The following VCAN variants were observed in gnomAD, a reference collection of about 807,000 sequenced individuals.
VCAN encodes versican.
Under a neutral mutation model 245.5 loss-of-function variants are expected in VCAN, and 44 were observed. The observed-to-expected ratio is 0.18, with a 90% CI of 0.14 to 0.23. VCAN has a LOEUF of 0.23. VCAN is among the 10% of genes least tolerant of loss of function. The probability of loss-of-function intolerance (pLI) is 1.00; values close to 1 mark genes in which losing one functional copy is unlikely to be tolerated. For synonymous variants in VCAN, 1,413 were observed against 1,437.0 expected (o/e 0.98, Z 0.38); for missense variants, 3,793 against 4,057.9 (o/e 0.93, Z 1.77).
Position 83,522,000 on chromosome 5 carries a change from A to T in VCAN, c.3694A>T (p.Lys1232Ter), listed in dbSNP as rs776953207. The T allele has an allele frequency of 6.2e-7, 1 of 1,614,190 alleles. No individual in the cohort carries two copies. The highest frequency in any genetic ancestry group is 1.1e-5 in the South Asian group (1 of 91,080). ...CAAGCCATCTTCCGCGATCACTAAG[A>T]AACCACCTCTCATCGACAGGGAACC... ...AFKPSSAITK[K>*]PPLIDREPGE... The change falls in exon 7 of 15, where the codon AAA (lysine) becomes TAA (stop). Residue 1232 changes from lysine to a stop codon, truncating the protein, a stop_gained. Coordinates refer to ENST00000265077, the MANE Select transcript of VCAN (RefSeq NM_004385.5). LOFTEE classifies it high-confidence loss of function.
chr5:83,522,120 G>A lies in VCAN; in HGVS notation c.3814G>A (p.Glu1272Lys). The A allele has an allele frequency of 1.2e-6, 2 of 1,614,040 alleles. No homozygotes were observed. The highest frequency in any genetic ancestry group is 4.5e-5 in the East Asian group (2 of 44,880). The change falls in exon 7 of 15, where the codon GAA becomes AAA. Residue 1272 changes from glutamate (E) to lysine (K), a missense_variant. Coordinates refer to ENST00000265077, the MANE Select transcript of VCAN (RefSeq NM_004385.5). ...TGAAGATATTGTAGCCAAGGAAACA[G>A]AAACCGATATTGATAGAGAGTATTT... ...TLEDIVAKET[E>K]TDIDREYFTT... is the part of the protein sequence containing the mutation.
At position 83,519,495 on chromosome 5, in the gene VCAN, C is replaced by T. The variant is rs1407676514; in HGVS notation, c.1189C>T (p.Pro397Ser). 6.2e-7 allele frequency: 1 copy of T among 1,614,118 alleles called. No individual in the cohort carries two copies. Among genetic ancestry groups the T allele is most frequent in the East Asian group, 2.2e-5 (1 of 44,890 alleles). The part of the protein sequence containing the change: ...ELPVIPTEFP[P>S]VGNIVSFEQK... Reference sequence around the variant, plus strand: ...ACCTGTCATTCCAACAGAGTTCCCTCCCGTGGGAAATATTGTCAGTTTTGA... The same window carrying T: ...ACCTGTCATTCCAACAGAGTTCCCTTCCGTGGGAAATATTGTCAGTTTTGA... The change falls in exon 7 of 15, where the codon CCC becomes TCC. Residue 397 changes from proline (P) to serine (S), a missense_variant. Pro to Ser is a moderately conservative substitution (Grantham distance 74). This residue lies in a region of VCAN where 3,182 missense variants were observed against 3,250.3 expected (regional missense o/e 0.98). Transcript: ENST00000265077.
chr5:83,539,240 G>A lies in VCAN; in HGVS notation c.6237G>A (p.Lys2079=), dbSNP rs80200229. 2.3e-3 allele frequency: 3,650 copies of A among 1,614,038 alleles called. 85 individuals are homozygous for A. The African/African-American group carries it at 0.043, about 19-fold the overall frequency. The change falls in exon 8 of 15, where the codon AAG becomes AAA. Residue 2079 remains lysine, a synonymous_variant. Transcript: ENST00000265077. ...TKAPVEKEEV[K]VSGTVSTNFP... ...CTCCAGTAGAGAAGGAGGAAGTAAA[G>A]GTCAGTGGCACAGTTTCAACAAACT...
intron 12 of VCAN, among the ~76,000 whole-genome samples, chr5:83,568,789 A>G (rs1045501721): frequency 1.3e-5 from 2 of 152,214 alleles, no homozygotes; most frequent in Non-Finnish European, 2.9e-5. Flanking sequence ...GGAAAATATC[A>G]TAAGTAAGAA....
intron 9 of VCAN, among the ~76,000 whole-genome samples, chr5:83,547,449 G>A (rs1271076474): frequency 6.6e-6 from 1 of 152,172 alleles, no homozygotes; most frequent in African/African-American, 2.4e-5. Flanking sequence ...ATGTTTGGAA[G>A]TAAAAGAATA....
At chr5:83,509,687 G>C (rs927464522) in intron 5 of VCAN, among the ~76,000 whole-genome samples, 1 of 152,150 alleles carries the variant, frequency 6.6e-6, no homozygotes, top group East Asian at 1.9e-4. Context: ...CAAGTCCAAG[G>C]GTTCTACCTC....
In VCAN at chr5:83,580,476, A is replaced by C. The variant is rs1174157720; in HGVS notation, c.*42A>C. On this transcript the variant is annotated 3_prime_UTR_variant, in exon 15 of 15. Coordinates refer to ENST00000265077, the MANE Select transcript of VCAN (RefSeq NM_004385.5). The stretch of plus-strand genomic sequence containing the variant: ...CATGTGTTTTCATCATTTCAGCCAA[A>C]GTCCTAACTTCCTGTGCCTTTCCTA... 1 of 1,611,996 alleles carries C rather than the reference A, an allele frequency of 6.2e-7. No homozygotes were observed. The highest frequency in any genetic ancestry group is 8.5e-7 in the Non-Finnish European group (1 of 1,178,972).
At chr5:83,534,770 T>G (rs1428811184) in intron 7 of VCAN, among the ~76,000 whole-genome samples, 5 of 152,088 alleles carry the variant, frequency 3.3e-5, no homozygotes, top group Non-Finnish European at 7.4e-5. Context: ...ATAAAATTAT[T>G]GATGTGAATA....
chr5:83,544,096 C>A (rs1235043893), intron 8 of VCAN, among the ~76,000 whole-genome samples: 2 of 152,214 alleles, frequency 1.3e-5, no homozygotes, highest in African/African-American at 4.8e-5. Context: ...GCACTTTCAC[C>A]TAGTGTCATT....
chr5:83,505,829 A>G (rs1171933346), intron 5 of VCAN, among the ~76,000 whole-genome samples: 1 of 152,176 alleles, frequency 6.6e-6, no homozygotes, highest in Non-Finnish European at 1.5e-5. Flanking sequence ...ATTTCCATAC[A>G]TCTTATGAAA....
rs1050595713 is a variant in VCAN at position 83,539,244 on chromosome 5, A to C, written c.6241A>C (p.Ser2081Arg). 5 of 1,614,076 alleles carry C rather than the reference A, an allele frequency of 3.1e-6. No homozygotes were observed. The highest frequency in any genetic ancestry group is 4.2e-6 in the Non-Finnish European group (5 of 1,179,976). Reference protein sequence around the residue: ...APVEKEEVKVSGTVSTNFPQT... With the variant: ...APVEKEEVKVRGTVSTNFPQT... ...AGTAGAGAAGGAGGAAGTAAAGGTC[A>C]GTGGCACAGTTTCAACAAACTTTCC... The change falls in exon 8 of 15, where the codon AGT becomes CGT. Residue 2081 changes from serine (S) to arginine (R), a missense_variant. Physicochemically the swap from Ser to Arg is moderately radical, Grantham distance 110. Around this residue, in one of 5 missense-constraint regions of VCAN, gnomAD observed 3,182 missense variants for 3,250.3 expected, o/e 0.98. Transcript: ENST00000265077.
chr5:83,507,585 A>G (rs1268198580), intron 5 of VCAN, among the ~76,000 whole-genome samples: 1 of 152,168 alleles, frequency 6.6e-6, no homozygotes, highest in Non-Finnish European at 1.5e-5. Flanking sequence ...TTGATTTCCC[A>G]TGTTTGCTGT....
chr5:83,505,467 C>T (rs1157205779), intron 5 of VCAN, among the ~76,000 whole-genome samples: 1 of 152,172 alleles, frequency 6.6e-6, no homozygotes, highest in Admixed American at 6.5e-5. Flanking sequence ...AAATGATCTC[C>T]TTTGACTGCA....
At position 83,576,017 on chromosome 5, in the gene VCAN, A is replaced by G. The variant is rs145233147; in HGVS notation, c.9880+3457A>G. On this transcript the variant is annotated intron_variant, in intron 13 of 14. Transcript: ENST00000265077. ...AAAAGATACCCTTTTCTCTTTTTAG[A>G]TATTTTAAACCTACAGACCTAAGTA... 1.5e-3 allele frequency among the ~76,000 whole-genome samples: 231 copies of G among 152,238 alleles called. 1 individual carries two copies. Among genetic ancestry groups the G allele is most frequent in the East Asian group, 2.1e-3 (11 of 5,182 alleles).
At chr5:83,573,491 A>G (rs1748368474) in intron 13 of VCAN, among the ~76,000 whole-genome samples, 1 of 152,264 alleles carries the variant, frequency 6.6e-6, no homozygotes, top group East Asian at 1.9e-4. Flanking sequence ...AAATGCCATA[A>G]TCCTAAATGT....
Position 83,537,177 on chromosome 5 carries a change from G to T in VCAN, c.4174G>T (p.Glu1392Ter). Residue 1392 changes from glutamate to a stop codon, truncating the protein, a stop_gained, in exon 8 of 15, where the codon GAA becomes TAA. Transcript: ENST00000265077. LOFTEE classifies it high-confidence loss of function. ...ATACCACAGTGAAGAAAATGAAGAA[G>T]AAGAAGAAGAGTGTGCAAATGCTAC... is the stretch of plus-strand genomic sequence containing the variant. ...DLYHSEENEE[E>*]EEECANATDV... The T allele has an allele frequency of 6.2e-7, 1 of 1,613,708 alleles. No homozygotes were observed. The highest frequency in any genetic ancestry group is 8.5e-7 in the Non-Finnish European group (1 of 1,179,880).
At chr5:83,546,632 A>G (rs1435317539) in intron 9 of VCAN, among the ~76,000 whole-genome samples, 1 of 151,218 alleles carries the variant, frequency 6.6e-6, no homozygotes, top group Non-Finnish European at 1.5e-5. Flanking sequence ...AGTCCCAGCT[A>G]CTTGGGAGGC....
At chr5:83,556,239 A>C (rs1162887799) in intron 12 of VCAN, among the ~76,000 whole-genome samples, 1 of 152,220 alleles carries the variant, frequency 6.6e-6, no homozygotes, top group African/African-American at 2.4e-5. Flanking sequence ...AAGGTCAGTT[A>C]GGTTGAGCTA....
intron 11 of VCAN, 87 bp from the exon 12 acceptor site, chr5:83,554,869 T>A: frequency 7.9e-7 from 1 of 1,263,966 alleles, no homozygotes; most frequent in Middle Eastern, 1.9e-4. Flanking sequence ...GGATGCATGA[T>A]TCATGCTGAA....
Sources: gnomAD v4.1 joint callset for allele counts (sites outside exome capture counted in the v4.1 genomes callset) on GRCh38, gnomAD v4.1.1 for gene constraint, gnomAD v4.1.1 regional missense constraint, MANE v1.5 for transcripts, NCBI Gene and HGNC (gene_info 2026-07-23, HGNC 2026-07-21) for gene names.